Variants in NECAB1 observed in about 807,000 individuals in gnomAD.
The protein encoded by NECAB1 is N-terminal EF-hand calcium-binding protein 1.
Under a neutral mutation model 57.5 loss-of-function variants are expected in NECAB1, and 29 were observed. The ratio of observed to expected loss-of-function variants is 0.50; its 90% CI spans 0.38 to 0.69. The LOEUF (loss-of-function observed/expected upper bound fraction) is 0.69, where lower values mean the gene tolerates loss of function less well. Among genes scored for constraint, NECAB1 ranks in the 30% least tolerant of loss-of-function variants. NECAB1 has a pLI of 0.00. For missense variants in NECAB1, 372 were observed against 413.8 expected, an observed-to-expected ratio of 0.90 and a Z score of 0.88; for synonymous variants, 142 against 147.7, an observed-to-expected ratio of 0.96 and a Z score of 0.28.
chr8:90,888,112 G>A (rs577601756), intron 5 of NECAB1, among the ~76,000 whole-genome samples: 25 of 152,002 alleles, frequency 1.6e-4, no homozygotes, highest in South Asian at 8.3e-4. Context: ...TTTGTTTCAC[G>A]TACCTATAAT....
intron 2 of NECAB1, among the ~76,000 whole-genome samples, chr8:90,810,758 T>A (rs184536741): frequency 2.9e-3 from 438 of 152,238 alleles, no homozygotes; most frequent in Non-Finnish European, 3.8e-3. Flanking sequence ...ACTTATGTAA[T>A]AAAGGGAACT....
Position 90,898,764 on chromosome 8 carries a change from C to T in NECAB1, c.357+17634C>T, listed in dbSNP as rs142441517. Among the ~76,000 whole-genome samples, 6 of 152,236 alleles carry T rather than the reference C, an allele frequency of 3.9e-5. No homozygotes were observed. The East Asian group carries it at 1.2e-3, about 29-fold the overall frequency. The stretch of plus-strand genomic sequence containing the variant: ...CTCAATTAGTCTTTTAGCCCAACTG[C>T]ACTGAGTCACTCTCACAGTCAGGCA... On this transcript the variant is annotated intron_variant, in intron 5 of 12. Transcript: ENST00000417640.
At chr8:90,827,860 A>G (rs1812248864) in intron 3 of NECAB1, among the ~76,000 whole-genome samples, 2 of 152,004 alleles carry the variant, frequency 1.3e-5, no homozygotes, top group Non-Finnish European at 2.9e-5. Flanking sequence ...AAAAAGCATC[A>G]TGTAAACTTA....
intron 2 of NECAB1, among the ~76,000 whole-genome samples, chr8:90,806,317 C>T (rs1345881496): frequency 1.3e-5 from 2 of 152,158 alleles, no homozygotes; most frequent in Non-Finnish European, 2.9e-5. Context: ...AGAGATGGTG[C>T]CTATTTCACA....
rs117795206 is a variant in NECAB1 at position 90,842,348 on chromosome 8, C to T, written c.233+17523C>T. ...ATACACTACAAATCTATATGCCTAA[C>T]GAAGAGATGTGATGTTGCCTTTTTT... On this transcript the variant is annotated intron_variant, in intron 3 of 12. Coordinates refer to ENST00000417640, the MANE Select transcript of NECAB1 (RefSeq NM_022351.5). Among the ~76,000 whole-genome samples, 291 of 152,234 alleles carry T rather than the reference C, an allele frequency of 1.9e-3. 1 individual carries two copies. Among genetic ancestry groups the T allele is most frequent in the Non-Finnish European group, 3.1e-3 (210 of 68,014 alleles).
intron 6 of NECAB1, among the ~76,000 whole-genome samples, chr8:90,923,478 T>G (rs999545918): frequency 1.3e-5 from 2 of 152,212 alleles, no homozygotes; most frequent in African/African-American, 4.8e-5. Flanking sequence ...CCCTGAAGAA[T>G]AGGCCCAGCC....
At chr8:90,878,015 C>T (rs1808759526) in intron 4 of NECAB1, among the ~76,000 whole-genome samples, 1 of 151,974 alleles carries the variant, frequency 6.6e-6, no homozygotes, top group Non-Finnish European at 1.5e-5. Context: ...TCTGACTCAC[C>T]CAGGCAGACT....
intron 3 of NECAB1, among the ~76,000 whole-genome samples, chr8:90,850,521 G>A (rs1812663113): frequency 6.6e-6 from 1 of 152,184 alleles, no homozygotes; most frequent in African/African-American, 2.4e-5. Flanking sequence ...GAGGGAAGAT[G>A]AATCATGTAA....
chr8:90,934,104 T>C (rs550558775), intron 8 of NECAB1, among the ~76,000 whole-genome samples, 200 bp from the exon 9 acceptor site: 70 of 152,290 alleles, frequency 4.6e-4, no homozygotes, highest in African/African-American at 1.6e-3. Context: ...CTAAAACAGC[T>C]TCTTACAATT....
chr8:90,912,220 G>C (rs922754997), intron 5 of NECAB1, among the ~76,000 whole-genome samples: 1 of 152,118 alleles, frequency 6.6e-6, no homozygotes, highest in Non-Finnish European at 1.5e-5. Context: ...TTACTTCCCA[G>C]CAGAATGGGA....
intron 10 of NECAB1, among the ~76,000 whole-genome samples, chr8:90,949,437 AGGCAGGTAGCATGCAC>A (rs1454085440): frequency 6.6e-6 from 1 of 152,144 alleles, no homozygotes; most frequent in African/African-American, 2.4e-5. Flanking sequence ...TTGAGGGCAA[AGGCAGGTAGCATGCAC>A]TCACATTTTT....
intron 3 of NECAB1, among the ~76,000 whole-genome samples, chr8:90,860,245 T>TTC (rs1331489006): frequency 3.3e-5 from 5 of 151,196 alleles, no homozygotes; most frequent in African/African-American, 7.3e-5. Flanking sequence ...TTTCTTTTTT[T>TTC]TTTTTTTTTA....
chr8:90,943,938 GA>G (rs1810736874), intron 10 of NECAB1, among the ~76,000 whole-genome samples: 8 of 152,050 alleles, frequency 5.3e-5, no homozygotes, highest in African/African-American at 1.7e-4. Flanking sequence ...ATTTTTTACA[GA>G]CGGGGTTATG....
chr8:90,940,920 C>T (rs764803342), intron 10 of NECAB1, 22 bp downstream of exon 10: 12 of 1,527,434 alleles, frequency 7.9e-6, no homozygotes, highest in South Asian at 6.0e-5. Flanking sequence ...GACTCCTGCA[C>T]CTTAGGCCTT....
chr8:90,862,996 C>A (rs1268574535), intron 3 of NECAB1, among the ~76,000 whole-genome samples: 2 of 152,030 alleles, frequency 1.3e-5, no homozygotes, highest in Non-Finnish European at 2.9e-5. Context: ...GCAAAATCTT[C>A]CCCTTCCAGT....
Position 90,959,185 on chromosome 8 carries a change from A to G in NECAB1, c.*3673A>G, listed in dbSNP as rs901745917. On this transcript the variant is annotated 3_prime_UTR_variant, in exon 13 of 13. Coordinates refer to ENST00000417640, the MANE Select transcript of NECAB1 (RefSeq NM_022351.5). ...TTAAAGTAACTAGAACTGTCAAATAACAAAACGGCTCATGTTTTTAAAATA... is the reference window on the plus strand; with the variant it reads ...TTAAAGTAACTAGAACTGTCAAATAGCAAAACGGCTCATGTTTTTAAAATA... 9.7e-6 allele frequency: 4 copies of G among 412,104 alleles called. No homozygotes were observed. Among genetic ancestry groups the G allele is most frequent in the African/African-American group, 6.3e-5 (3 of 47,728 alleles). The allele number at this position is 412,104 out of a possible 1,614,324, so 25.5% of individuals were successfully genotyped here.
At chr8:90,909,702 C>T (rs2130077955) in intron 5 of NECAB1, among the ~76,000 whole-genome samples, 1 of 152,096 alleles carries the variant, frequency 6.6e-6, no homozygotes, top group Non-Finnish European at 1.5e-5. Context: ...CTCCATAAGT[C>T]ATTTGCTCTA....
rs1811027755 is a variant in NECAB1, at chr8:90,956,162, T to C, written c.*650T>C. 1 of 152,072 alleles carries C rather than the reference T, an allele frequency of 6.6e-6. No homozygotes were observed. The allele number at this position is 152,072 out of a possible 1,614,324, so 9.4% of individuals were successfully genotyped here. A position where few individuals can be genotyped will look rare whatever the true frequency, so the allele number is the denominator to read the frequency against. On this transcript the variant is annotated 3_prime_UTR_variant, in exon 13 of 13. Coordinates refer to ENST00000417640, the MANE Select transcript of NECAB1 (RefSeq NM_022351.5). Reference sequence around the variant, plus strand: ...TGTGATAAGTTGGAGTACCATTTAGTAATACAGCAACATTGTGTCATTTAT... The same window carrying C: ...TGTGATAAGTTGGAGTACCATTTAGCAATACAGCAACATTGTGTCATTTAT...
chr8:90,837,353 G>A (rs1215380355), intron 3 of NECAB1, among the ~76,000 whole-genome samples: 1 of 152,190 alleles, frequency 6.6e-6, no homozygotes, highest in African/African-American at 2.4e-5. Context: ...TGATAACCAA[G>A]AGGGCTACTA....
Sources: allele counts gnomAD v4.1 joint callset (sites outside exome capture counted in the v4.1 genomes callset), GRCh38; gene constraint gnomAD v4.1.1; transcripts MANE v1.5; gene names NCBI Gene and HGNC (gene_info 2026-07-23, HGNC 2026-07-21).